COL11A1: variants seen among roughly 807,000 people sequenced by gnomAD.
COL11A1 encodes the protein collagen alpha-1(XI) chain.
Under a neutral mutation model 265.2 loss-of-function variants are expected in COL11A1, and 74 were observed. The observed-to-expected ratio is 0.28, with a 90% CI of 0.23 to 0.34. COL11A1 has a LOEUF of 0.34. Ranked by LOEUF, COL11A1 falls within the 10% of genes least tolerant of loss-of-function variation. The pLI is 1.00. For missense variants in COL11A1, 2,165 were observed against 2,263.6 expected (o/e 0.96, Z 0.88); for synonymous variants, 816 against 727.6 (o/e 1.12, Z -1.96).
At chr1:102,913,871 A>T (rs898940095) in intron 52 of COL11A1, among the ~76,000 whole-genome samples, 181 bp from the exon 53 acceptor site, 2 of 152,158 alleles carry the variant, frequency 1.3e-5, no homozygotes, top group Non-Finnish European at 2.9e-5. Context: ...CTCCGCAAAA[A>T]AATTTGTAAA....
At chr1:102,920,420 C>T (rs1655850197) in intron 48 of COL11A1, 56 bp from the exon 49 acceptor site, 16 of 1,434,702 alleles carry the variant, frequency 1.1e-5, no homozygotes, top group Admixed American at 1.7e-5. Flanking sequence ...ATAATGCATT[C>T]GTAAACATAT....
intron 32 of COL11A1, 137 bp from the exon 33 acceptor site, chr1:102,979,241 C>T: frequency 8.2e-7 from 1 of 1,224,772 alleles, no homozygotes; most frequent in Non-Finnish European, 1.2e-6. Flanking sequence ...ACTTGCTATG[C>T]TGCCCAGGCT....
chr1:102,954,849 TAAAA>T (rs144235911), intron 41 of COL11A1, among the ~76,000 whole-genome samples: 18 of 139,978 alleles, frequency 1.3e-4, no homozygotes, highest in Non-Finnish European at 1.6e-4. Flanking sequence ...CCTCTTGAAA[TAAAA>T]AAAAAAAAAA....
At chr1:102,986,118 G>C in intron 30 of COL11A1, among the ~76,000 whole-genome samples, 1 of 151,878 alleles carries the variant, frequency 6.6e-6, no homozygotes, top group Non-Finnish European at 1.5e-5. Flanking sequence ...TTCTTAAATA[G>C]CATTATTGCG....
intron 4 of COL11A1, among the ~76,000 whole-genome samples, chr1:103,070,431 AAAAACGAGTT>A (rs1671490920): frequency 6.6e-6 from 1 of 151,782 alleles, no homozygotes; most frequent in African/African-American, 2.4e-5. Flanking sequence ...ACAAGGGAAA[AAAAACGAGTT>A]AAAACGAGTT....
intron 41 of COL11A1, among the ~76,000 whole-genome samples, chr1:102,949,224 T>C (rs1659629328): frequency 6.6e-6 from 1 of 152,078 alleles, no homozygotes; most frequent in Non-Finnish European, 1.5e-5. Context: ...ACTGATTTAT[T>C]GAGGATCAAT....
At chr1:103,015,633 A>C in intron 12 of COL11A1, 35 bp downstream of exon 12, 5,970 of 1,062,374 alleles carry the variant, frequency 5.6e-3, no homozygotes, top group Non-Finnish European at 7.8e-3. Flanking sequence ...ATGACAAGAT[A>C]TCAAGTCATC....
intron 41 of COL11A1, among the ~76,000 whole-genome samples, chr1:102,953,629 A>T (rs758369087): frequency 3.3e-5 from 5 of 152,218 alleles, no homozygotes; most frequent in Non-Finnish European, 7.3e-5. Flanking sequence ...ACAGTTATAT[A>T]TTCCAAAAAT....
chr1:103,084,006 T>C (rs1428617544), intron 1 of COL11A1, among the ~76,000 whole-genome samples: 1 of 152,200 alleles, frequency 6.6e-6, no homozygotes, highest in African/African-American at 2.4e-5. Context: ...TATCGGGTTA[T>C]AATTCACATA....
intron 54 of COL11A1, among the ~76,000 whole-genome samples, chr1:102,902,236 G>T (rs1653300363): frequency 6.6e-6 from 1 of 152,128 alleles, no homozygotes; most frequent in Non-Finnish European, 1.5e-5. Flanking sequence ...CATTTGTCTT[G>T]CTATGAGTCA....
intron 4 of COL11A1, among the ~76,000 whole-genome samples, chr1:103,043,991 GA>G (rs1331476602): frequency 4.6e-5 from 7 of 152,044 alleles, no homozygotes; most frequent in Admixed American, 3.3e-4. Context: ...GAGCTTTCAG[GA>G]AAAGTCTGGT....
intron 62 of COL11A1, among the ~76,000 whole-genome samples, 183 bp from the exon 63 acceptor site, chr1:102,887,239 A>T (rs1434813635): frequency 1.3e-5 from 2 of 152,144 alleles, no homozygotes; most frequent in Non-Finnish European, 2.9e-5. Flanking sequence ...TTCTATGATG[A>T]ACTTGGTGGA....
chr1:103,014,536 G>A lies in COL11A1; in HGVS notation c.1547C>T (p.Ala516Val). The change falls in exon 13 of 67, where the codon GCT becomes GTT. Residue 516 changes from alanine (A) to valine (V), a missense_variant. Physicochemically the swap from Ala to Val is moderately conservative, Grantham distance 64. Coordinates refer to ENST00000370096, the MANE Select transcript of COL11A1 (RefSeq NM_001854.4). ...CCGAGCCTGCTGAAGAATAGCTTGAGCCTGAGCTTCCTGAGCAGAGATGGT... is the reference window on the plus strand; with the variant it reads ...CCGAGCCTGCTGAAGAATAGCTTGAACCTGAGCTTCCTGAGCAGAGATGGT... ...GPTISAQEAQ[A>V]QAILQQARIA... 6.2e-7 allele frequency: 1 copy of A among 1,613,710 alleles called. No individual in the cohort carries two copies. Among genetic ancestry groups the A allele is most frequent in the South Asian group, 1.1e-5 (1 of 91,074 alleles).
intron 49 of COL11A1, among the ~76,000 whole-genome samples, chr1:102,917,082 A>G (rs1446493775): frequency 6.6e-6 from 1 of 151,936 alleles, no homozygotes; most frequent in Non-Finnish European, 1.5e-5. Flanking sequence ...GGAAACCAAA[A>G]AAAGAGTCTT....
chr1:102,941,475 G>A (rs1658717855), intron 42 of COL11A1, among the ~76,000 whole-genome samples: 1 of 152,148 alleles, frequency 6.6e-6, no homozygotes. Flanking sequence ...AGCCTACCAT[G>A]ATCTAGCTCC....
rs1279366824 is a variant in COL11A1 at position 102,879,877 on chromosome 1, C to T, written c.5080G>A (p.Val1694Met). The T allele has an allele frequency of 1.9e-6, 3 of 1,613,528 alleles. No homozygotes were observed. The highest frequency in any genetic ancestry group is 1.7e-5 in the Admixed American group (1 of 59,912). The change falls in exon 66 of 67, where the codon GTG (valine) becomes ATG (methionine). Residue 1694 changes from valine (V) to methionine (M), a missense_variant. By Grantham distance (21) the Val-to-Met change is conservative. Transcript: ENST00000370096. ...AGAAGTTTCAGGAATGTCATTTGCACCATATTGATGGAATTTCCTTCAACA... is the reference window on the plus strand; with the variant it reads ...AGAAGTTTCAGGAATGTCATTTGCATCATATTGATGGAATTTCCTTCAACA... ...LDVEGNSINMVQMTFLKLLTA... is the reference protein window; with the variant it reads ...LDVEGNSINMMQMTFLKLLTA...
intron 4 of COL11A1, among the ~76,000 whole-genome samples, chr1:103,058,786 A>T (rs574489792): frequency 9.2e-5 from 14 of 152,256 alleles, no homozygotes; most frequent in African/African-American, 3.4e-4. Context: ...TATTGTGTAC[A>T]TTATTATTAT....
At chr1:102,952,481 T>C (rs970881462) in intron 41 of COL11A1, among the ~76,000 whole-genome samples, 1 of 152,240 alleles carries the variant, frequency 6.6e-6, no homozygotes, top group African/African-American at 2.4e-5. Flanking sequence ...TTTCAGATTG[T>C]CATCTTGCTT....
At chr1:103,039,623 G>T (rs1668652946) in intron 4 of COL11A1, among the ~76,000 whole-genome samples, 1 of 152,022 alleles carries the variant, frequency 6.6e-6, no homozygotes. Flanking sequence ...TCAACACCTG[G>T]ATCTTGGACT....
Sources: gnomAD v4.1 joint callset for allele counts (sites outside exome capture counted in the v4.1 genomes callset) on GRCh38, gnomAD v4.1.1 for gene constraint, MANE v1.5 for transcripts, NCBI Gene and HGNC (gene_info 2026-07-23, HGNC 2026-07-21) for gene names.